Variants in POLI observed in about 807,000 individuals in gnomAD.
The protein encoded by POLI is DNA polymerase iota.
A neutral mutation model predicts 51.6 loss-of-function variants in POLI; 58 were observed. The observed-to-expected ratio is 1.12, with a 90% CI of 0.91 to 1.40. POLI has a LOEUF of 1.40. Among genes scored for constraint, POLI ranks in the 40% most tolerant of loss-of-function variants. The probability of loss-of-function intolerance (pLI) is 0.00; values close to 1 mark genes in which losing one functional copy is unlikely to be tolerated. For synonymous variants in POLI, 322 were observed against 299.7 expected, an observed-to-expected ratio of 1.07 and a Z score of -0.77; for missense variants, 921 against 871.3, an observed-to-expected ratio of 1.06 and a Z score of -0.72.
chr18:54,269,941 G>C, intron 1 of POLI: 5 of 1,185,050 alleles, frequency 4.2e-6, no homozygotes, highest in Non-Finnish European at 5.2e-6. Context: ...GGTGGGGCGG[G>C]AATCCCTCAG....
intron 1 of POLI, chr18:54,269,900 TCTGCGCCGTC>T: frequency 4.0e-6 from 5 of 1,243,054 alleles, no homozygotes; most frequent in African/African-American, 1.6e-5. Context: ...CGAGGGTTTA[TCTGCGCCGTC>T]CTTTCCTCTG....
chr18:54,273,907 C>T lies in POLI; in HGVS notation c.242-19C>T. 8.4e-6 allele frequency: 12 copies of T among 1,434,188 alleles called. No homozygotes were observed. The highest frequency in any genetic ancestry group is 1.1e-5 in the Non-Finnish European group (12 of 1,073,840). 88.8% of individuals were successfully genotyped at this position (1,434,188 alleles called of 1,614,324 possible). On this transcript the variant is annotated intron_variant, in intron 2 of 9. Coordinates refer to ENST00000579534, the MANE Select transcript of POLI (RefSeq NM_007195.3). Reference sequence around the variant, plus strand: ...TTTCTTCAATTGTGCTTGGGTTTCTCATAAAATATTTTTTACAGGGGTTCA... The same window carrying T: ...TTTCTTCAATTGTGCTTGGGTTTCTTATAAAATATTTTTTACAGGGGTTCA...
chr18:54,284,036 A>G, intron 7 of POLI, 23 bp downstream of exon 7: 1 of 939,966 alleles, frequency 1.1e-6, no homozygotes, highest in Admixed American at 2.2e-5. Context: ...CCATTTTGCC[A>G]AGTCATCCTA....
intron 2 of POLI, among the ~76,000 whole-genome samples, chr18:54,273,591 G>A (rs1483562954): frequency 4.6e-5 from 7 of 151,940 alleles, no homozygotes; most frequent in Admixed American, 2.0e-4. Context: ...TTGATCTATC[G>A]TCTAACTTTT....
Position 54,273,959 on chromosome 18 carries a change from A to T in POLI, c.275A>T (p.Asn92Ile), listed in dbSNP as rs914158600. ...VQQKYLVVTCNYEARKLGVKK... is the reference protein window; with the variant it reads ...VQQKYLVVTCIYEARKLGVKK... ...CAGAAATATTTGGTGGTTACCTGCA[A>T]CTATGAAGCTAGGAAACTTGGAGTT... is the stretch of plus-strand genomic sequence containing the variant. Residue 92 changes from asparagine (N) to isoleucine (I), a missense_variant, in exon 3 of 10, where the codon AAC becomes ATC. Coordinates refer to ENST00000579534, the MANE Select transcript of POLI (RefSeq NM_007195.3). 2 of 1,571,822 alleles carry T rather than the reference A, an allele frequency of 1.3e-6. No homozygotes were observed. Among genetic ancestry groups the T allele is most frequent in the Non-Finnish European group, 1.7e-6 (2 of 1,159,566 alleles).
intron 5 of POLI, 125 bp downstream of exon 5, chr18:54,281,028 G>T (rs1023696104): frequency 1.8e-6 from 1 of 565,436 alleles, no homozygotes; most frequent in Non-Finnish European, 3.0e-6. Flanking sequence ...GCATGTGTGT[G>T]TGTGTGTATA....
At chr18:54,272,798 T>A (rs1424639980) in intron 2 of POLI, among the ~76,000 whole-genome samples, 1 of 151,814 alleles carries the variant, frequency 6.6e-6, no homozygotes, top group Non-Finnish European at 1.5e-5. Context: ...GATGAGGCCA[T>A]ATAATGTAAT....
chr18:54,273,819 T>A (rs2087117082), intron 2 of POLI, 107 bp from the exon 3 acceptor site: 1 of 592,900 alleles, frequency 1.7e-6, no homozygotes, highest in South Asian at 4.5e-5. Context: ...TTGATTCTTA[T>A]CAAAACTGAT....
At position 54,295,094 on chromosome 18, in the gene POLI, T is replaced by TA. The variant is rs1441403603; in HGVS notation, c.*630dup. 1.0e-6 allele frequency: 1 copy of TA among 985,254 alleles called. No homozygotes were observed. The highest frequency in any genetic ancestry group is 1.1e-4 in the East Asian group (1 of 8,824). The allele number at this position is 985,254 out of a possible 1,614,324, so 61.0% of individuals were successfully genotyped here. ...TTTGGCTAGGGCCAGGGTGGGGAGT[T>TA]AAAGTGAGAGGAGGGTATATGTTAT... On this transcript the variant is annotated 3_prime_UTR_variant, in exon 10 of 10. Transcript: ENST00000579534.
chr18:54,272,638 A>G (rs2087056232), intron 2 of POLI, among the ~76,000 whole-genome samples: 1 of 149,580 alleles, frequency 6.7e-6, no homozygotes, highest in Non-Finnish European at 1.5e-5. Context: ...TACTCGGTTA[A>G]TTTTTTTGTA....
intron 7 of POLI, among the ~76,000 whole-genome samples, chr18:54,284,979 T>G (rs1391725480): frequency 6.6e-6 from 1 of 152,144 alleles, no homozygotes; most frequent in Non-Finnish European, 1.5e-5. Flanking sequence ...CAGTTTAGAG[T>G]AGGTGTGCTT....
At chr18:54,281,028 G>A (rs1023696104) in intron 5 of POLI, 125 bp downstream of exon 5, 1 of 565,556 alleles carries the variant, frequency 1.8e-6, no homozygotes, top group Non-Finnish European at 3.0e-6. Context: ...GCATGTGTGT[G>A]TGTGTGTATA....
intron 3 of POLI, among the ~76,000 whole-genome samples, chr18:54,312,784 C>A (rs2088685441): frequency 6.6e-6 from 1 of 151,962 alleles, no homozygotes. Flanking sequence ...TGTCCTTTGC[C>A]CACTTTTTAA....
Position 54,297,337 on chromosome 18 carries a change from A to G in POLI, c.*2870A>G. On this transcript the variant is annotated 3_prime_UTR_variant, in exon 10 of 10. Coordinates refer to ENST00000579534, the MANE Select transcript of POLI (RefSeq NM_007195.3). ...TGTCTTGAATGTAGAGGGTATTTTTATTTTTATTTTTTCTGTTTCTCTCTT... is the reference window on the plus strand; with the variant it reads ...TGTCTTGAATGTAGAGGGTATTTTTGTTTTTATTTTTTCTGTTTCTCTCTT... 1 of 963,944 alleles carries G rather than the reference A, an allele frequency of 1.0e-6. No homozygotes were observed. Among genetic ancestry groups the G allele is most frequent in the Non-Finnish European group, 1.2e-6 (1 of 820,048 alleles). The allele number at this position is 963,944 out of a possible 1,614,324, so 59.7% of individuals were successfully genotyped here. A position where few individuals can be genotyped will look rare whatever the true frequency, so the allele number is the denominator to read the frequency against.
At chr18:54,278,322 G>T (rs909767815) in intron 4 of POLI, among the ~76,000 whole-genome samples, 5 of 151,314 alleles carry the variant, frequency 3.3e-5, no homozygotes, top group Non-Finnish European at 7.4e-5. Context: ...CCATACCTCT[G>T]TAGGTCATTC....
intron 7 of POLI, chr18:54,284,745 A>G (rs190053515): frequency 5.2e-5 from 8 of 152,474 alleles, no homozygotes; most frequent in African/African-American, 1.7e-4. Context: ...AGGTGTGTGC[A>G]GGGTTTCTGA....
intron 7 of POLI, 62 bp downstream of exon 7, chr18:54,284,075 A>G: frequency 1.8e-6 from 1 of 568,546 alleles, no homozygotes; most frequent in Non-Finnish European, 3.1e-6. Flanking sequence ...GGTATGTGGA[A>G]AGAATATTTG....
downstream of POLI, among the ~76,000 whole-genome samples, chr18:54,301,285 C>A (rs889546898): frequency 4.6e-5 from 7 of 151,932 alleles, no homozygotes; most frequent in African/African-American, 1.7e-4. Flanking sequence ...ATCACACACA[C>A]ACACACACAA....
At chr18:54,320,619 G>A (rs34813758) in intron 4 of POLI, among the ~76,000 whole-genome samples, 54,209 of 151,924 alleles carry the variant, frequency 0.36, 11,252 homozygotes, top group East Asian at 0.68. Context: ...CCAATCCATA[G>A]AGTGAGATTA....
Sources: gnomAD v4.1 joint callset for allele counts (sites outside exome capture counted in the v4.1 genomes callset) on GRCh38, gnomAD v4.1.1 for gene constraint, MANE v1.5 for transcripts, NCBI Gene and HGNC (gene_info 2026-07-23, HGNC 2026-07-21) for gene names.